The following TRIM21 variants were observed in gnomAD, a reference collection of about 807,000 sequenced individuals.
TRIM21 encodes tripartite motif containing 21.
TRIM21 carries 35 observed loss-of-function variants against 36.1 expected under a neutral mutation model. That is an observed-to-expected ratio of 0.97 (90% CI 0.74 to 1.28). The LOEUF (loss-of-function observed/expected upper bound fraction) is 1.28, where lower values mean the gene tolerates loss of function less well. Ranked by LOEUF, TRIM21 falls within the 50% of genes most tolerant of loss-of-function variation. TRIM21 has a pLI of 0.00. For missense variants in TRIM21, 635 were observed against 570.7 expected (o/e 1.11, Z -1.15); for synonymous variants, 256 against 211.5 (o/e 1.21, Z -1.83).
chr11:4,388,154 C>T (rs1031255917), intron 4 of TRIM21, 146 bp downstream of exon 4: 103 of 709,456 alleles, frequency 1.5e-4, no homozygotes, highest in Admixed American at 8.9e-4. Context: ...GCGTCTTGAA[C>T]GCGAACCTTT....
chr11:4,390,115 G>C lies in TRIM21; in HGVS notation c.295C>G (p.Leu99Val). 6.2e-7 allele frequency: 1 copy of C among 1,613,998 alleles called. No individual in the cohort carries two copies. Among genetic ancestry groups the C allele is most frequent in the Non-Finnish European group, 8.5e-7 (1 of 1,179,892 alleles). ...CCATCTTTCTCACAGAACAGGTGAAGTCTCTCTCCATGCACTGCACACCGT... is the reference window on the plus strand; with the variant it reads ...CCATCTTTCTCACAGAACAGGTGAACTCTCTCTCCATGCACTGCACACCGT... Reference protein sequence around the residue: ...GERCAVHGERLHLFCEKDGKA... With the variant: ...GERCAVHGERVHLFCEKDGKA... Residue 99 changes from leucine to valine, a missense_variant, in exon 2 of 7, where the codon CTT becomes GTT. Transcript: ENST00000254436.
chr11:4,393,352 C>T (rs563622036), intron 1 of TRIM21, among the ~76,000 whole-genome samples: 1 of 151,682 alleles, frequency 6.6e-6, no homozygotes, highest in Admixed American at 6.6e-5. Context: ...TGGGTAACTC[C>T]ACAGTCACGT....
intron 1 of TRIM21, among the ~76,000 whole-genome samples, chr11:4,393,011 T>G (rs950755884): frequency 6.6e-6 from 1 of 152,244 alleles, no homozygotes; most frequent in Non-Finnish European, 1.5e-5. Context: ...GGTGTATATG[T>G]ATGTATACAC....
chr11:4,393,582 A>G (rs2094965828), intron 1 of TRIM21, 51 bp downstream of exon 1: 1 of 152,408 alleles, frequency 6.6e-6, no homozygotes, highest in African/African-American at 2.4e-5. Context: ...GGCAGGGGAG[A>G]GAGGTCCCCT....
At position 4,388,372 on chromosome 11, in the gene TRIM21, C is replaced by T. The variant is rs759097582; in HGVS notation, c.663G>A (p.Gln221=). ...LGEKEAKLAQ[Q]SQALQELISE... ...AGATGAGCTCCTGTAGGGCCTGGCT[C>T]TGCTGGGCCAGCTTGGCCTCTTTCT... The change falls in exon 4 of 7, where the codon CAG becomes CAA. Residue 221 remains glutamine (Q), a synonymous_variant. Transcript: ENST00000254436. 36 of 1,613,854 alleles carry T rather than the reference C, an allele frequency of 2.2e-5. No homozygotes were observed. Among genetic ancestry groups the T allele is most frequent in the South Asian group, 2.1e-4 (19 of 91,092 alleles).
rs1373748468 is a variant in TRIM21, at chr11:4,384,912, TTTA to T, written c.*370_*372del. ...TAGACGGAGGCACAGTTTTTTAAAT[TTTA>T]TTTTTTATTTTTAGGAAGCCCTTTT... On this transcript the variant is annotated 3_prime_UTR_variant, in exon 7 of 7. Transcript: ENST00000254436. The T allele has an allele frequency of 5.4e-6, 1 of 185,256 alleles. No individual in the cohort carries two copies. The highest frequency in any genetic ancestry group is 2.4e-5 in the African/African-American group (1 of 42,452). The allele number at this position is 185,256 out of a possible 1,614,324, so 11.5% of individuals were successfully genotyped here. A position where few individuals can be genotyped will look rare whatever the true frequency, so the allele number is the denominator to read the frequency against.
chr11:4,390,818 G>A (rs1020458650), intron 1 of TRIM21, among the ~76,000 whole-genome samples: 1 of 152,162 alleles, frequency 6.6e-6, no homozygotes, highest in Admixed American at 6.5e-5. Flanking sequence ...AGAACATACA[G>A]TGAGGAAAGG....
intron 4 of TRIM21, among the ~76,000 whole-genome samples, chr11:4,387,841 T>A (rs1033522092): frequency 6.6e-6 from 1 of 151,898 alleles, no homozygotes; most frequent in African/African-American, 2.4e-5. Context: ...CATAAATAAA[T>A]AAATAAATAA....
chr11:4,387,457 TC>T (rs1359268473), intron 4 of TRIM21, among the ~76,000 whole-genome samples: 1 of 152,126 alleles, frequency 6.6e-6, no homozygotes, highest in Non-Finnish European at 1.5e-5. Flanking sequence ...TGTTGCCTCT[TC>T]CTGTATGTGA....
chr11:4,390,504 G>A (rs1590838093), intron 1 of TRIM21, 46 bp from the exon 2 acceptor site: 4 of 1,338,574 alleles, frequency 3.0e-6, no homozygotes, highest in Middle Eastern at 1.9e-4. Context: ...GAAAGTCTGT[G>A]TAAGAAAAAC....
Position 4,385,865 on chromosome 11 carries a change from G to A in TRIM21, c.860-12C>T, listed in dbSNP as rs776974432. On this transcript the variant is annotated splice_polypyrimidine_tract_variant and intron_variant, in intron 6 of 6. Coordinates refer to ENST00000254436, the MANE Select transcript of TRIM21 (RefSeq NM_003141.4). ...CAGAGTGATGTGGACTGCAGAGAGA[G>A]GACCACAGTCAGGCCTTGCATGGGG... 2 of 1,595,268 alleles carry A rather than the reference G, an allele frequency of 1.3e-6. No individual in the cohort carries two copies. Among genetic ancestry groups the A allele is most frequent in the Non-Finnish European group, 1.7e-6 (2 of 1,169,928 alleles).
intron 2 of TRIM21, 107 bp from the exon 3 acceptor site, chr11:4,389,856 T>C: frequency 6.7e-7 from 1 of 1,496,292 alleles, no homozygotes; most frequent in Non-Finnish European, 9.3e-7. Context: ...GGGAATGAGG[T>C]TGGGTTTAAC....
Position 4,390,327 on chromosome 11 carries a change from C to T in TRIM21, c.83G>A (p.Ser28Asn). Reference protein sequence around the residue: ...ICLDPFVEPVSIECGHSFCQE... With the variant: ...ICLDPFVEPVNIECGHSFCQE... ...GCAGAAGCTGTGGCCACACTCGATG[C>T]TCACAGGCTCCACGAAGGGGTCCAG... The change falls in exon 2 of 7, where the codon AGC (serine) becomes AAC (asparagine). Residue 28 changes from serine to asparagine, a missense_variant. Physicochemically the swap from Ser to Asn is conservative, Grantham distance 46. Coordinates refer to ENST00000254436, the MANE Select transcript of TRIM21 (RefSeq NM_003141.4). 1 of 1,613,978 alleles carries T rather than the reference C, an allele frequency of 6.2e-7. No homozygotes were observed. Among genetic ancestry groups the T allele is most frequent in the Non-Finnish European group, 8.5e-7 (1 of 1,179,888 alleles).
chr11:4,390,117 C>A lies in TRIM21; in HGVS notation c.293G>T (p.Arg98Ile), dbSNP rs377182147. ...ATCTTTCTCACAGAACAGGTGAAGT[C>A]TCTCTCCATGCACTGCACACCGTTC... ...QGERCAVHGE[R>I]LHLFCEKDGK... The change falls in exon 2 of 7, where the codon AGA becomes ATA. Residue 98 changes from arginine (R) to isoleucine (I), a missense_variant. Coordinates refer to ENST00000254436, the MANE Select transcript of TRIM21 (RefSeq NM_003141.4). The A allele has an allele frequency of 2.5e-5, 41 of 1,614,038 alleles. No individual in the cohort carries two copies. In the Middle Eastern group the frequency reaches 6.6e-4, roughly 26 times the overall value.
chr11:4,385,160 C>G lies in TRIM21; in HGVS notation c.*125G>C. Reference sequence around the variant, plus strand: ...GTGAAGTGACTTCCCTGCTAAAGCTCGCTTGCTGGGATCCGGATGCCTCTG... The same window carrying G: ...GTGAAGTGACTTCCCTGCTAAAGCTGGCTTGCTGGGATCCGGATGCCTCTG... On this transcript the variant is annotated 3_prime_UTR_variant, in exon 7 of 7. Transcript: ENST00000254436. 1.1e-6 allele frequency: 1 copy of G among 919,650 alleles called. No homozygotes were observed. The highest frequency in any genetic ancestry group is 1.9e-5 in the South Asian group (1 of 53,812). The allele number at this position is 919,650 out of a possible 1,614,324, so 57.0% of individuals were successfully genotyped here.
chr11:4,385,972 G>A, intron 6 of TRIM21, 119 bp from the exon 7 acceptor site: 1 of 1,160,580 alleles, frequency 8.6e-7, no homozygotes, highest in Non-Finnish European at 1.2e-6. Flanking sequence ...CTCCCTGTGT[G>A]AGGAAATGAC....
chr11:4,389,032 G>A (rs1015270847), intron 3 of TRIM21, among the ~76,000 whole-genome samples: 1 of 152,102 alleles, frequency 6.6e-6, no homozygotes, highest in Non-Finnish European at 1.5e-5. Context: ...GATGACACAT[G>A]AGGGTCTGTT....
chr11:4,388,831 C>T (rs891323473), intron 3 of TRIM21, among the ~76,000 whole-genome samples: 1 of 152,110 alleles, frequency 6.6e-6, no homozygotes, highest in East Asian at 1.9e-4. Flanking sequence ...ACCTCTCTTC[C>T]AAGCCCAGTC....
chr11:4,390,053 T>C lies in TRIM21; in HGVS notation c.357A>G (p.Lys119=), dbSNP rs1564810542. Residue 119 remains lysine (K), a synonymous_variant, in exon 2 of 7, where the codon AAA becomes AAG. Transcript: ENST00000254436. The part of the protein sequence containing the change: ...ALCWVCAQSR[K]HRDHAMVPLE... ...GAGGGACCATGGCGTGGTCACGGTG[T>C]TTCCGAGACTGGGCACATACCCAGC... 6.2e-7 allele frequency: 1 copy of C among 1,613,996 alleles called. No homozygotes were observed. The highest frequency in any genetic ancestry group is 8.5e-7 in the Non-Finnish European group (1 of 1,179,890).
Sources: gnomAD v4.1 joint callset for allele counts (sites outside exome capture counted in the v4.1 genomes callset) on GRCh38, gnomAD v4.1.1 for gene constraint, MANE v1.5 for transcripts, NCBI Gene and HGNC (gene_info 2026-07-23, HGNC 2026-07-21) for gene names.